The following DGKB variants were observed in gnomAD, a reference collection of about 807,000 sequenced individuals.
The protein encoded by DGKB is 90 kDa diacylglycerol kinase.
DGKB carries 67 observed loss-of-function variants against 114.3 expected under a neutral mutation model. The ratio of observed to expected loss-of-function variants is 0.59; its 90% CI spans 0.48 to 0.72. The LOEUF (loss-of-function observed/expected upper bound fraction) is 0.72, where lower values mean the gene tolerates loss of function less well. Among genes scored for constraint, DGKB ranks in the 30% least tolerant of loss-of-function variants. The pLI, the probability that DGKB is intolerant of heterozygous loss-of-function variation, is 0.00. For synonymous variants in DGKB, 398 were observed against 323.1 expected, an observed-to-expected ratio of 1.23 and a Z score of -2.49; for missense variants, 907 against 975.2, an observed-to-expected ratio of 0.93 and a Z score of 0.93.
chr7:14,364,705 A>C (rs1483061122), intron 21 of DGKB, among the ~76,000 whole-genome samples: 2 of 152,022 alleles, frequency 1.3e-5, no homozygotes, highest in East Asian at 1.9e-4. Context: ...TAGTAAGGAA[A>C]TAGCTAAGAG....
At chr7:14,157,854 C>T (rs929756616) in intron 25 of DGKB, among the ~76,000 whole-genome samples, 3 of 152,128 alleles carry the variant, frequency 2.0e-5, no homozygotes, top group Admixed American at 2.0e-4. Context: ...AAGTCAAAAA[C>T]ATAACAAAAC....
chr7:14,423,492 A>G (rs1186895684), intron 21 of DGKB, among the ~76,000 whole-genome samples: 1 of 152,078 alleles, frequency 6.6e-6, no homozygotes, highest in Admixed American at 6.6e-5. Context: ...CTGGTTTATA[A>G]TTAATACATA....
intron 4 of DGKB, among the ~76,000 whole-genome samples, chr7:14,748,893 G>T (rs1282365011): frequency 6.6e-6 from 1 of 152,078 alleles, no homozygotes; most frequent in African/African-American, 2.4e-5. Context: ...AAACCACAAA[G>T]AAATCACTTT....
At chr7:14,527,197 T>C (rs1304300534) in intron 20 of DGKB, among the ~76,000 whole-genome samples, 1 of 152,134 alleles carries the variant, frequency 6.6e-6, no homozygotes, top group Non-Finnish European at 1.5e-5. Flanking sequence ...TTAAAGCAAG[T>C]TACTTAAATG....
At position 14,830,914 on chromosome 7, in the gene DGKB, T is replaced by C. The variant is rs368549735; in HGVS notation, c.70+10280A>G. On this transcript the variant is annotated intron_variant, in intron 2 of 25. Transcript: ENST00000402815. ...GTAAGAAAAACTGTGTGCACACACA[T>C]GCACATGTGTGTGCATGTGTGCATG... Among the ~76,000 whole-genome samples, 3 of 152,006 alleles carry C rather than the reference T, an allele frequency of 2.0e-5. No individual in the cohort carries two copies. In the East Asian group the frequency reaches 5.8e-4, roughly 29 times the overall value.
chr7:14,180,275 T>TAAC (rs1782438390), intron 23 of DGKB, among the ~76,000 whole-genome samples: 1 of 152,206 alleles, frequency 6.6e-6, no homozygotes. Context: ...AATGAAACAC[T>TAAC]TTCTCAAGAC....
At chr7:14,920,698 A>G (rs1784471437) in intron 1 of DGKB, among the ~76,000 whole-genome samples, 1 of 152,188 alleles carries the variant, frequency 6.6e-6, no homozygotes, top group South Asian at 2.1e-4. Context: ...CTTCACAGGA[A>G]TGTTTATAGC....
At chr7:14,228,517 G>A (rs1335709582) in intron 23 of DGKB, among the ~76,000 whole-genome samples, 1 of 151,888 alleles carries the variant, frequency 6.6e-6, no homozygotes. Flanking sequence ...TTTTAGAGCT[G>A]TTTATAGTAC....
rs558198074 is a variant in DGKB, at chr7:14,923,770, G to A, written c.-188+50926C>T. On this transcript the variant is annotated intron_variant, in intron 1 of 4. Coordinates refer to the DGKB transcript ENST00000437998. Reference sequence around the variant, plus strand: ...AGCACTTTTGGCGGCCAAGGCGGGCGAATCACCTGAGGTCAGGAGTTTGAG... The same window carrying A: ...AGCACTTTTGGCGGCCAAGGCGGGCAAATCACCTGAGGTCAGGAGTTTGAG... 1.5e-3 allele frequency among the ~76,000 whole-genome samples: 226 copies of A among 152,044 alleles called. 2 individuals carry two copies. Among genetic ancestry groups the A allele is most frequent in the African/African-American group, 5.3e-3 (219 of 41,456 alleles).
chr7:14,513,964 A>G (rs1475202213), intron 20 of DGKB, among the ~76,000 whole-genome samples: 2 of 152,036 alleles, frequency 1.3e-5, no homozygotes, highest in Non-Finnish European at 2.9e-5. Flanking sequence ...CTAGCATTTA[A>G]TTACCACAAA....
At chr7:14,553,322 A>G (rs1287366081) in intron 20 of DGKB, among the ~76,000 whole-genome samples, 1 of 152,216 alleles carries the variant, frequency 6.6e-6, no homozygotes, top group East Asian at 1.9e-4. Flanking sequence ...AAGAAAATGT[A>G]GACTAAATGA....
At chr7:14,281,865 T>G (rs1369404237) in intron 23 of DGKB, among the ~76,000 whole-genome samples, 109 of 141,854 alleles carry the variant, frequency 7.7e-4, no homozygotes, top group Middle Eastern at 3.6e-3. Flanking sequence ...CAAAGCAGTG[T>G]GTAGAGGGAA....
At chr7:14,854,188 C>A (rs1849792210) in intron 1 of DGKB, among the ~76,000 whole-genome samples, 1 of 152,148 alleles carries the variant, frequency 6.6e-6, no homozygotes, top group Non-Finnish European at 1.5e-5. Flanking sequence ...ACACTCTGAA[C>A]TGATTAGCAT....
At chr7:14,291,717 A>T in intron 23 of DGKB, among the ~76,000 whole-genome samples, 1 of 152,324 alleles carries the variant, frequency 6.6e-6, no homozygotes, top group East Asian at 1.9e-4. Context: ...AAATTTTTAT[A>T]GATTTTTACA....
At position 14,415,818 on chromosome 7, in the gene DGKB, T is replaced by C. The variant is rs1051138224; in HGVS notation, c.1835+62343A>G. 6.6e-5 allele frequency among the ~76,000 whole-genome samples: 10 copies of C among 152,264 alleles called. 2 individuals are homozygous for C. The highest frequency in any genetic ancestry group is 1.5e-5 in the Non-Finnish European group (1 of 68,018). On this transcript the variant is annotated intron_variant, in intron 21 of 25. Transcript: ENST00000402815. Reference sequence around the variant, plus strand: ...GGATGGCTGGGTCAAATGATATTTCTAGTTCTAGATCCCTGAGGAATCGCC... The same window carrying C: ...GGATGGCTGGGTCAAATGATATTTCCAGTTCTAGATCCCTGAGGAATCGCC...
intron 2 of DGKB, 97 bp downstream of exon 2, chr7:14,841,097 C>T: frequency 9.1e-7 from 1 of 1,098,004 alleles, no homozygotes; most frequent in Non-Finnish European, 1.3e-6. Context: ...GATCTATCCC[C>T]ATGAAGAACA....
At chr7:14,405,595 G>A (rs1025665282) in intron 21 of DGKB, among the ~76,000 whole-genome samples, 9 of 152,002 alleles carry the variant, frequency 5.9e-5, no homozygotes, top group African/African-American at 2.2e-4. Flanking sequence ...TGAGGATGCA[G>A]AAACAATCAA....
chr7:14,184,215 AG>A (rs1231256483), intron 23 of DGKB, among the ~76,000 whole-genome samples: 3 of 152,144 alleles, frequency 2.0e-5, no homozygotes, highest in Non-Finnish European at 4.4e-5. Flanking sequence ...CCAGAGGAGC[AG>A]GGGGTAAAAC....
At chr7:14,626,101 A>G (rs912620318) in intron 14 of DGKB, among the ~76,000 whole-genome samples, 2 of 152,218 alleles carry the variant, frequency 1.3e-5, no homozygotes, top group African/African-American at 4.8e-5. Flanking sequence ...CTCTAAAAAA[A>G]AAATCTTTGT....
Sources: gnomAD v4.1 joint callset for allele counts (sites outside exome capture counted in the v4.1 genomes callset) on GRCh38, gnomAD v4.1.1 for gene constraint, MANE v1.5 for transcripts, NCBI Gene and HGNC (gene_info 2026-07-23, HGNC 2026-07-21) for gene names.